Variants in EXPH5 observed in about 807,000 individuals in gnomAD.
The protein encoded by EXPH5 is exophilin-5.
EXPH5 carries 42 observed loss-of-function variants against 41.1 expected under a neutral mutation model. The ratio of observed to expected loss-of-function variants is 1.02; its 90% CI spans 0.80 to 1.32. EXPH5 has a LOEUF of 1.32. Ranked by LOEUF, EXPH5 falls within the 40% of genes most tolerant of loss-of-function variation. The probability of loss-of-function intolerance (pLI) is 0.00; values close to 1 mark genes in which losing one functional copy is unlikely to be tolerated. For synonymous variants in EXPH5, 798 were observed against 833.5 expected (o/e 0.96, Z 0.73); for missense variants, 2,298 against 2,314.5 (o/e 0.99, Z 0.15).
upstream of EXPH5, among the ~76,000 whole-genome samples, chr11:108,597,102 C>T (rs529386702): frequency 1.5e-4 from 23 of 152,190 alleles, no homozygotes; most frequent in Non-Finnish European, 2.9e-4. Context: ...TTGGCCAAAT[C>T]CCCACCACAG....
At chr11:108,563,812 G>A (rs1190549962) in intron 1 of EXPH5, among the ~76,000 whole-genome samples, 1 of 152,208 alleles carries the variant, frequency 6.6e-6, no homozygotes, top group Non-Finnish European at 1.5e-5. Flanking sequence ...ACTGTCCTAG[G>A]CGTCGCTCTG....
chr11:108,565,714 TG>T (rs2094031698), intron 1 of EXPH5, among the ~76,000 whole-genome samples: 1 of 152,216 alleles, frequency 6.6e-6, no homozygotes, highest in African/African-American at 2.4e-5. Context: ...GCTGATCAAA[TG>T]ACATCTATGT....
chr11:108,576,595 T>C (rs190923702), intron 1 of EXPH5, among the ~76,000 whole-genome samples: 1 of 152,336 alleles, frequency 6.6e-6, no homozygotes, highest in Admixed American at 6.5e-5. Flanking sequence ...TGAATTTGCT[T>C]CTAATTTTTA....
chr11:108,541,283 C>A (rs2093911395), intron 2 of EXPH5, among the ~76,000 whole-genome samples: 1 of 152,126 alleles, frequency 6.6e-6, no homozygotes, highest in Non-Finnish European at 1.5e-5. Context: ...TCATTGCATT[C>A]ATTTAAAGAT....
At chr11:108,531,493 A>C (rs1189799664) in intron 3 of EXPH5, among the ~76,000 whole-genome samples, 1 of 152,188 alleles carries the variant, frequency 6.6e-6, no homozygotes, top group Non-Finnish European at 1.5e-5. Flanking sequence ...TAATCTGGCA[A>C]ACTTCCCTGG....
intron 1 of EXPH5, among the ~76,000 whole-genome samples, chr11:108,585,048 C>A (rs1400505131): frequency 3.9e-5 from 6 of 152,118 alleles, no homozygotes; most frequent in Non-Finnish European, 8.8e-5. Flanking sequence ...TCTCAAAATT[C>A]ATCAATCAGA....
Position 108,510,811 on chromosome 11 carries a change from G to A in EXPH5, c.4696C>T (p.Gln1566Ter), listed in dbSNP as rs1002753617. 2 of 1,613,982 alleles carry A rather than the reference G, an allele frequency of 1.2e-6. No homozygotes were observed. Among genetic ancestry groups the A allele is most frequent in the African/African-American group, 2.7e-5 (2 of 74,908 alleles). ...EDEMQKSAWD[Q>*]PSLPEGNKNK... ...TTGTTTCCTTCAGGAAGTGAAGGTT[G>A]ATCCCAAGCTGACTTCTGCATTTCA... The change falls in exon 6 of 6, where the codon CAA becomes TAA. Residue 1566 changes from glutamine to a stop codon, truncating the protein, a stop_gained. Coordinates refer to ENST00000265843, the MANE Select transcript of EXPH5 (RefSeq NM_015065.3). LOFTEE classifies it low-confidence loss of function (END_TRUNC).
Position 108,514,050 on chromosome 11 carries a change from C to A in EXPH5, c.1457G>T (p.Gly486Val). ...GQGPFWGQEK[G>V]HSFWSDFHRS... ...ATGAAAGTCAGACCAGAAAGAATGT[C>A]CTTTCTCTTGGCCCCAAAAAGGACC... is the stretch of plus-strand genomic sequence containing the variant. Residue 486 changes from glycine (G) to valine (V), a missense_variant, in exon 6 of 6, where the codon GGA (glycine) becomes GTA (valine). Transcript: ENST00000265843. 2.5e-6 allele frequency: 4 copies of A among 1,614,126 alleles called. No homozygotes were observed. The highest frequency in any genetic ancestry group is 3.4e-6 in the Non-Finnish European group (4 of 1,179,986).
rs1434689237 is a variant in EXPH5, at chr11:108,507,089, T to A, written c.*2448A>T. On this transcript the variant is annotated 3_prime_UTR_variant, in exon 6 of 6. Transcript: ENST00000265843. ...ATTAACCAAGAAATAGTGTTATTTA[T>A]TCTTTACCATACAAATTTGCATTGA... 2.0e-5 allele frequency: 3 copies of A among 152,216 alleles called. No homozygotes were observed. The highest frequency in any genetic ancestry group is 4.4e-5 in the Non-Finnish European group (3 of 68,044). The allele number at this position is 152,216 out of a possible 1,614,324, so 9.4% of individuals were successfully genotyped here.
intron 1 of EXPH5, among the ~76,000 whole-genome samples, chr11:108,591,395 C>T (rs1815716721): frequency 6.6e-6 from 1 of 152,106 alleles, no homozygotes; most frequent in African/African-American, 2.4e-5. Context: ...GCAGAACAAT[C>T]CCATGGAGCC....
Position 108,513,758 on chromosome 11 carries a change from G to A in EXPH5, c.1749C>T (p.Cys583=). ...CGTGATAGCTTGAACCAGTCATGGA[G>A]CAAACATTTGGTGTGCCAAAATGAG... The part of the protein sequence containing the change: ...LTPHFGTPNV[C]SMTGSSYHVK... The change falls in exon 6 of 6, where the codon TGC becomes TGT. Residue 583 remains cysteine (C), a synonymous_variant. Coordinates refer to ENST00000265843, the MANE Select transcript of EXPH5 (RefSeq NM_015065.3). The A allele has an allele frequency of 1.2e-6, 2 of 1,607,902 alleles. No individual in the cohort carries two copies. Among genetic ancestry groups the A allele is most frequent in the South Asian group, 1.1e-5 (1 of 89,476 alleles).
chr11:108,514,160 TG>T lies in EXPH5; in HGVS notation c.1346del (p.Pro449HisfsTer61). Reference sequence around the variant, plus strand: ...TAAATGTGTTGCTTTGATGGTAGAATGGCATGTTCTCTGAGTTCTCAAAAGT... The same window carrying T: ...TAAATGTGTTGCTTTGATGGTAGAATGCATGTTCTCTGAGTTCTCAAAAGT... ...PDTFENSENM[P>X]FYHQSNTFTR... On this transcript the variant is annotated frameshift_variant, in exon 6 of 6. Coordinates refer to ENST00000265843, the MANE Select transcript of EXPH5 (RefSeq NM_015065.3). LOFTEE classifies it low-confidence loss of function (END_TRUNC). The T allele has an allele frequency of 1.2e-6, 2 of 1,614,084 alleles. No homozygotes were observed. The highest frequency in any genetic ancestry group is 1.7e-6 in the Non-Finnish European group (2 of 1,179,984).
At chr11:108,553,200 A>C (rs986831917) in intron 1 of EXPH5, among the ~76,000 whole-genome samples, 2 of 152,176 alleles carry the variant, frequency 1.3e-5, no homozygotes, top group Non-Finnish European at 2.9e-5. Flanking sequence ...CTCTATCTAA[A>C]AAAAATAAAA....
intron 1 of EXPH5, among the ~76,000 whole-genome samples, chr11:108,575,325 A>T (rs2094076159): frequency 6.6e-6 from 1 of 152,264 alleles, no homozygotes; most frequent in South Asian, 2.1e-4. Context: ...TTGGTAGAAC[A>T]CTTGGAAAGC....
In EXPH5 at chr11:108,511,236, G is replaced by A. The variant is rs762868552; in HGVS notation, c.4271C>T (p.Pro1424Leu). The change falls in exon 6 of 6, where the codon CCC becomes CTC. Residue 1424 changes from proline to leucine, a missense_variant. Physicochemically the swap from Pro to Leu is moderately conservative, Grantham distance 98. Transcript: ENST00000265843. ...QQSINSSNSG[P>L]SSLPALSEVN... is the part of the protein sequence containing the mutation. The stretch of plus-strand genomic sequence containing the variant: ...TTCTGAAAGAGCTGGAAGACTAGAG[G>A]GACCACTGTTACTTGAATTAATGGA... 2 of 1,609,476 alleles carry A rather than the reference G, an allele frequency of 1.2e-6. No individual in the cohort carries two copies. Among genetic ancestry groups the A allele is most frequent in the South Asian group, 1.1e-5 (1 of 89,738 alleles).
chr11:108,545,849 CCTAGGATCATACCA>C (rs1333074903), intron 1 of EXPH5, among the ~76,000 whole-genome samples: 1 of 151,624 alleles, frequency 6.6e-6, no homozygotes, highest in Non-Finnish European at 1.5e-5. Flanking sequence ...GCTACAGTGA[CCTAGGATCATACCA>C]CTGCACTCCA....
chr11:108,510,307 G>C lies in EXPH5; in HGVS notation c.5200C>G (p.Pro1734Ala), dbSNP rs759548587. The change falls in exon 6 of 6, where the codon CCC becomes GCC. Residue 1734 changes from proline (P) to alanine (A), a missense_variant. Physicochemically the swap from Pro to Ala is conservative, Grantham distance 27. Coordinates refer to ENST00000265843, the MANE Select transcript of EXPH5 (RefSeq NM_015065.3). ...TCCCTGAGGCTGGTGAATGTGATGG[G>C]TGATGGGGCTCCTGATTCTCTTACT... Reference protein sequence around the residue: ...NLVRESGAPSPITFTSLREAE... With the variant: ...NLVRESGAPSAITFTSLREAE... 4.3e-6 allele frequency: 7 copies of C among 1,614,056 alleles called. No individual in the cohort carries two copies. Among genetic ancestry groups the C allele is most frequent in the Non-Finnish European group, 5.9e-6 (7 of 1,180,042 alleles).
At position 108,513,157 on chromosome 11, in the gene EXPH5, G is replaced by A. The variant is rs1357284829; in HGVS notation, c.2350C>T (p.Pro784Ser). 6.2e-7 allele frequency: 1 copy of A among 1,613,972 alleles called. No homozygotes were observed. ...SRKDTSKMYI[P>S]HTDKSNDIKQ... is the part of the protein sequence containing the mutation. ...ATGTCATTGGATTTATCTGTGTGCG[G>A]TATATACATTTTGGAGGTATCTTTC... The change falls in exon 6 of 6, where the codon CCG becomes TCG. Residue 784 changes from proline (P) to serine (S), a missense_variant. Transcript: ENST00000265843.
At chr11:108,599,436 A>G in the EXPH5 span, among the ~76,000 whole-genome samples, 1 of 152,210 alleles carries the variant, frequency 6.6e-6, no homozygotes, top group Non-Finnish European at 1.5e-5. Context: ...TACTCATAAC[A>G]CAGTTGTAAT....
Sources: gnomAD v4.1 joint callset for allele counts (sites outside exome capture counted in the v4.1 genomes callset) on GRCh38, gnomAD v4.1.1 for gene constraint, MANE v1.5 for transcripts, NCBI Gene and HGNC (gene_info 2026-07-23, HGNC 2026-07-21) for gene names.